The following IL16 variants were observed in gnomAD, a reference collection of about 807,000 sequenced individuals.
The protein encoded by IL16 is pro-interleukin-16.
IL16 carries 67 observed loss-of-function variants against 110.1 expected under a neutral mutation model. The ratio of observed to expected loss-of-function variants is 0.61; its 90% confidence interval spans 0.50 to 0.75. The LOEUF (loss-of-function observed/expected upper bound fraction) is 0.75. Among genes scored for constraint, IL16 ranks in the 30% least tolerant of loss-of-function variants. The pLI, the probability that IL16 is intolerant of heterozygous loss-of-function variation, is 0.00. For missense variants in IL16, 1,545 were observed against 1,655.0 expected, an observed-to-expected ratio of 0.93 and a Z score of 1.15; for synonymous variants, 689 against 662.9, an observed-to-expected ratio of 1.04 and a Z score of -0.61.
At chr15:81,274,400 G>T (rs570560590) in intron 6 of IL16, among the ~76,000 whole-genome samples, 1 of 152,178 alleles carries the variant, frequency 6.6e-6, no homozygotes, top group Non-Finnish European at 1.5e-5. Context: ...GCTCATCCAC[G>T]TACCTGTCAT....
At chr15:81,287,798 C>T (rs1394004179) in intron 10 of IL16, among the ~76,000 whole-genome samples, 1 of 152,210 alleles carries the variant, frequency 6.6e-6, no homozygotes. Flanking sequence ...AACCCAGCCC[C>T]ATTCTGTGGA....
intron 4 of IL16, 117 bp downstream of exon 4, chr15:81,265,918 AGAG>A (rs1898362277): frequency 4.4e-6 from 4 of 917,914 alleles, no homozygotes; most frequent in African/African-American, 3.4e-5. Context: ...GCAGAACTAC[AGAG>A]GAGAGGGTCT....
chr15:81,252,663 A>C (rs373296034), intron 2 of IL16, among the ~76,000 whole-genome samples: 1 of 152,122 alleles, frequency 6.6e-6, no homozygotes, highest in Non-Finnish European at 1.5e-5. Flanking sequence ...CCCGATCCCT[A>C]ATTACCCACT....
chr15:81,308,534 A>T (rs1829702573), intron 18 of IL16, 71 bp from the exon 19 acceptor site: 2 of 1,158,816 alleles, frequency 1.7e-6, no homozygotes, highest in Non-Finnish European at 1.2e-6. Flanking sequence ...CTCTTTGGAG[A>T]TCAAGGAGAG....
chr15:81,296,940 C>T lies in IL16; in HGVS notation c.1915C>T (p.Leu639=). Residue 639 remains leucine, a synonymous_variant, in exon 13 of 19, where the codon CTG becomes TTG. Transcript: ENST00000683961. ...PPTCGQEARE[L]LPLLLPQEDT... ...GTTTACACCACAGGAAGCGAGAGAGCTGCTGCCACTGCTGCTACCACAGGA... is the reference window on the plus strand; with the variant it reads ...GTTTACACCACAGGAAGCGAGAGAGTTGCTGCCACTGCTGCTACCACAGGA... The T allele has an allele frequency of 6.2e-7, 1 of 1,610,856 alleles. No individual in the cohort carries two copies. Among genetic ancestry groups the T allele is most frequent in the African/African-American group, 1.3e-5 (1 of 74,864 alleles).
intron 3 of IL16, among the ~76,000 whole-genome samples, chr15:81,260,369 T>C (rs921020079): frequency 1.3e-5 from 2 of 152,232 alleles, no homozygotes; most frequent in South Asian, 2.1e-4. Context: ...ATTTCCCTTC[T>C]ATGCCTACAT....
intron 10 of IL16, among the ~76,000 whole-genome samples, 191 bp from the exon 11 acceptor site, chr15:81,290,262 T>C (rs1284990467): frequency 2.0e-5 from 3 of 152,224 alleles, no homozygotes; most frequent in Non-Finnish European, 2.9e-5. Context: ...CTTTGGACTT[T>C]ATCTAGAAGA....
At chr15:81,236,882 C>T (rs554077605) in intron 2 of IL16, among the ~76,000 whole-genome samples, 7 of 152,166 alleles carry the variant, frequency 4.6e-5, no homozygotes, top group South Asian at 2.1e-4. Context: ...TGCTTGAACC[C>T]GGGAAGTGGA....
chr15:81,186,111 C>T (rs1464614911), intron 1 of IL16, among the ~76,000 whole-genome samples: 1 of 152,198 alleles, frequency 6.6e-6, no homozygotes, highest in Non-Finnish European at 1.5e-5. Context: ...TCCCTCACTA[C>T]CAGAGGCCTC....
At chr15:81,236,515 A>G (rs1223714381) in intron 2 of IL16, among the ~76,000 whole-genome samples, 1 of 152,208 alleles carries the variant, frequency 6.6e-6, no homozygotes, top group Non-Finnish European at 1.5e-5. Flanking sequence ...TGTCTCCCCA[A>G]TTCAATGTGA....
In IL16 at chr15:81,279,786, G is replaced by C. The variant is rs771648519; in HGVS notation, c.1081+12G>C. ...TTCTCTGCAGAAAGGTAGGAGTGCTGCAGCTGTGTCCCGTGCCTGGGTCTC... is the reference window on the plus strand; with the variant it reads ...TTCTCTGCAGAAAGGTAGGAGTGCTCCAGCTGTGTCCCGTGCCTGGGTCTC... On this transcript the variant is annotated intron_variant, in intron 8 of 18. Transcript: ENST00000683961. The C allele has an allele frequency of 5.0e-6, 8 of 1,611,534 alleles. No homozygotes were observed. The highest frequency in any genetic ancestry group is 6.8e-6 in the Non-Finnish European group (8 of 1,177,868).
intron 4 of IL16, among the ~76,000 whole-genome samples, chr15:81,267,877 T>C (rs1317392648): frequency 6.6e-6 from 1 of 152,212 alleles, no homozygotes; most frequent in Non-Finnish European, 1.5e-5. Flanking sequence ...GCAGGTGATG[T>C]GCTTTGGCTA....
At chr15:81,275,478 A>G (rs1420765404) in intron 6 of IL16, among the ~76,000 whole-genome samples, 4 of 150,392 alleles carry the variant, frequency 2.7e-5, no homozygotes, top group Non-Finnish European at 5.9e-5. Flanking sequence ...AAAAAAGAAC[A>G]GTGGGATCAG....
At chr15:81,191,578 T>A (rs983882321) in intron 1 of IL16, among the ~76,000 whole-genome samples, 1 of 152,134 alleles carries the variant, frequency 6.6e-6, no homozygotes, top group Non-Finnish European at 1.5e-5. Context: ...ATGGGTGGTA[T>A]GTAAGTACCC....
At chr15:81,289,914 T>C (rs1418266871) in intron 10 of IL16, 4 of 454,266 alleles carry the variant, frequency 8.8e-6, no homozygotes, top group East Asian at 1.4e-4. Context: ...AAGGAAGAAA[T>C]GGAGGCTCAG....
At chr15:81,187,979 A>C (rs568195299) in intron 1 of IL16, among the ~76,000 whole-genome samples, 44 of 152,200 alleles carry the variant, frequency 2.9e-4, no homozygotes, top group African/African-American at 9.6e-4. Flanking sequence ...CAGGCCAGGG[A>C]AGAGGAGATG....
At chr15:81,307,758 A>C (rs1900646649) in intron 18 of IL16, among the ~76,000 whole-genome samples, 1 of 152,170 alleles carries the variant, frequency 6.6e-6, no homozygotes. Context: ...GGAGCCAGAA[A>C]GTCTGGGTTC....
At chr15:81,255,037 G>A (rs1897897797) in intron 2 of IL16, among the ~76,000 whole-genome samples, 1 of 151,982 alleles carries the variant, frequency 6.6e-6, no homozygotes, top group African/African-American at 2.4e-5. Context: ...GAGAGTTAGT[G>A]CTGCTGGTCT....
chr15:81,279,875 G>A lies in IL16; in HGVS notation c.1081+101G>A, dbSNP rs189634718. The A allele has an allele frequency of 3.1e-5, 32 of 1,019,510 alleles. No homozygotes were observed. The African/African-American group carries it at 4.3e-4, about 14-fold the overall frequency. 63.2% of individuals were successfully genotyped at this position (1,019,510 alleles called of 1,614,324 possible). ...AATCAGTCCAGAGGTAGGGCAGGAT[G>A]TTGTCTTTTAGCACATTTTACAGCT... On this transcript the variant is annotated intron_variant, in intron 8 of 18. Coordinates refer to ENST00000683961, the MANE Select transcript of IL16 (RefSeq NM_172217.5).
Sources: gnomAD v4.1 joint callset for allele counts (sites outside exome capture counted in the v4.1 genomes callset) on GRCh38, gnomAD v4.1.1 for gene constraint, MANE v1.5 for transcripts, NCBI Gene and HGNC (gene_info 2026-07-23, HGNC 2026-07-21) for gene names.